The following DNAH1 variants were observed in gnomAD, a reference collection of about 807,000 sequenced individuals.
DNAH1 encodes the protein dynein axonemal heavy chain 1.
Under a neutral mutation model 484.3 loss-of-function variants are expected in DNAH1, and 327 were observed. The observed-to-expected ratio is 0.68, with a 90% CI of 0.62 to 0.74. The LOEUF (loss-of-function observed/expected upper bound fraction) is 0.74. Among genes scored for constraint, DNAH1 ranks in the 30% least tolerant of loss-of-function variants. The probability of loss-of-function intolerance (pLI) is 0.00; values close to 1 mark genes in which losing one functional copy is unlikely to be tolerated. For synonymous variants in DNAH1, 2,192 were observed against 2,191.9 expected (o/e 1.00, Z 0.00); for missense variants, 5,052 against 5,546.8 (o/e 0.91, Z 2.83).
chr3:52,356,799 AG>A, intron 22 of DNAH1, 21 bp downstream of exon 22: 1 of 1,579,702 alleles, frequency 6.3e-7, no homozygotes. Flanking sequence ...TGAGGGTGGG[AG>A]GGGCAGCTGG....
At chr3:52,382,189 T>G in intron 49 of DNAH1, 131 bp from the exon 50 acceptor site, 1 of 1,467,576 alleles carries the variant, frequency 6.8e-7, no homozygotes, top group Non-Finnish European at 9.4e-7. Flanking sequence ...GTTCAGGGCC[T>G]GAAGGGTCTG....
chr3:52,350,194 G>T, intron 15 of DNAH1, 86 bp downstream of exon 15: 1 of 1,547,154 alleles, frequency 6.5e-7, no homozygotes, highest in Non-Finnish European at 8.7e-7. Context: ...GGGGCTGGGA[G>T]GTCGGACTCA....
Position 52,398,143 on chromosome 3 carries a change from C to G in DNAH1, c.12070C>G (p.Leu4024Val). ...VLYEESMNTV[L>V]VQEVIRYNRL... Reference sequence around the variant, plus strand: ...GTATGAGGAATCAATGAACACAGTACTAGTACAAGAGGTCATTAGGTAATC... The same window carrying G: ...GTATGAGGAATCAATGAACACAGTAGTAGTACAAGAGGTCATTAGGTAATC... Residue 4024 changes from leucine (L) to valine (V), a missense_variant, in exon 75 of 78, where the codon CTA becomes GTA. By Grantham distance (32) the Leu-to-Val change is conservative (BLOSUM62 1). This residue lies in a region of DNAH1 where 853 missense variants were observed against 899.0 expected (regional missense o/e 0.95). Coordinates refer to ENST00000420323, the MANE Select transcript of DNAH1 (RefSeq NM_015512.5). 3.7e-6 allele frequency: 6 copies of G among 1,611,452 alleles called. No homozygotes were observed. Among genetic ancestry groups the G allele is most frequent in the Non-Finnish European group, 4.2e-6 (5 of 1,178,856 alleles).
Position 52,346,600 on chromosome 3 carries a change from G to C in DNAH1, c.1785G>C (p.Lys595Asn), listed in dbSNP as rs2153223794. 1 of 1,614,058 alleles carries C rather than the reference G, an allele frequency of 6.2e-7. No individual in the cohort carries two copies. The highest frequency in any genetic ancestry group is 2.2e-5 in the East Asian group (1 of 44,892). ...ETNWEVYLMSKLRKLMELVKY... is the reference protein window; with the variant it reads ...ETNWEVYLMSNLRKLMELVKY... ...ACTGGGAGGTGTACCTCATGTCCAA[G>C]CTGCGCAAGCTGATGGAGCTGGTGA... The change falls in exon 11 of 78, where the codon AAG becomes AAC. Residue 595 changes from lysine (K) to asparagine (N), a missense_variant. This residue lies in a region of DNAH1 where 1,263 missense variants were observed against 1,218.8 expected (regional missense o/e 1.04). Transcript: ENST00000420323.
chr3:52,378,753 G>A lies in DNAH1; in HGVS notation c.7350G>A (p.Met2450Ile). The A allele has an allele frequency of 6.2e-7, 1 of 1,613,746 alleles. No homozygotes were observed. The highest frequency in any genetic ancestry group is 8.5e-7 in the Non-Finnish European group (1 of 1,179,886). ...LRDLSKVFQG[M>I]LMADPAKVED... is the part of the protein sequence containing the mutation. ...ACCTCTCCAAGGTCTTCCAAGGCAT[G>A]CTCATGGCTGACCCGGCCAAGGTCG... is the stretch of plus-strand genomic sequence containing the variant. The change falls in exon 47 of 78, where the codon ATG becomes ATA. Residue 2450 changes from methionine (M) to isoleucine (I), a missense_variant. By Grantham distance (10) the Met-to-Ile change is conservative. Around this residue, in one of 4 missense-constraint regions of DNAH1, gnomAD observed 2,929 missense variants for 3,409.4 expected, o/e 0.86. Coordinates refer to ENST00000420323, the MANE Select transcript of DNAH1 (RefSeq NM_015512.5).
intron 20 of DNAH1, 93 bp from the exon 21 acceptor site, chr3:52,354,750 A>G: frequency 7.8e-7 from 1 of 1,278,230 alleles, no homozygotes; most frequent in Non-Finnish European, 1.1e-6. Context: ...GGTCATGGCC[A>G]GGTACTGTCT....
intron 77 of DNAH1, 87 bp from the exon 78 acceptor site, chr3:52,400,238 T>C: frequency 6.4e-7 from 1 of 1,562,486 alleles, no homozygotes; most frequent in Non-Finnish European, 8.7e-7. Flanking sequence ...GTCCTCAGCT[T>C]AGTCTGCCCA....
At chr3:52,388,973 G>T in intron 59 of DNAH1, 36 bp downstream of exon 59, 1 of 1,549,420 alleles carries the variant, frequency 6.5e-7, no homozygotes. Flanking sequence ...GACCAGCCTC[G>T]CCTTCCCAAA....
In DNAH1 at chr3:52,395,630, C is replaced by CTGGA. The variant is rs1704588385; in HGVS notation, c.11214_11217dup (p.Pro3740AspfsTer46). On this transcript the variant is annotated frameshift_variant, in exon 70 of 78. Coordinates refer to ENST00000420323, the MANE Select transcript of DNAH1 (RefSeq NM_015512.5). LOFTEE classifies it high-confidence loss of function. The surrounding 1 kb of genome is among the most constrained non-coding windows in gnomAD (Gnocchi z 4.4). Reference sequence around the variant, plus strand: ...TCCAGAACTGCCACCTGGCACCAAGCTGGATGCCAGCCCTAGAACGCCTCA... The same window carrying CTGGA: ...TCCAGAACTGCCACCTGGCACCAAGCTGGATGGATGCCAGCCCTAGAACGCCTCA... 6.2e-7 allele frequency: 1 copy of CTGGA among 1,613,916 alleles called. No individual in the cohort carries two copies. Among genetic ancestry groups the CTGGA allele is most frequent in the Non-Finnish European group, 8.5e-7 (1 of 1,179,904 alleles).
At position 52,400,349 on chromosome 3, in the gene DNAH1, C is replaced by G; in HGVS notation, c.12701C>G (p.Ser4234Cys). 6.2e-7 allele frequency: 1 copy of G among 1,614,032 alleles called. No individual in the cohort carries two copies. The highest frequency in any genetic ancestry group is 8.5e-7 in the Non-Finnish European group (1 of 1,179,898). Residue 4234 changes from serine to cysteine, a missense_variant, in exon 78 of 78, where the codon TCT (serine) becomes TGT (cysteine). By Grantham distance (112) the Ser-to-Cys change is moderately radical. Around this residue, in one of 4 missense-constraint regions of DNAH1, gnomAD observed 853 missense variants for 899.0 expected, o/e 0.95. Coordinates refer to ENST00000420323, the MANE Select transcript of DNAH1 (RefSeq NM_015512.5). ...RAGTLSTTGHSTNYVIAVEIP... is the reference protein window; with the variant it reads ...RAGTLSTTGHCTNYVIAVEIP... ...GGAACACTATCAACCACAGGACACT[C>G]TACCAACTATGTCATTGCTGTGGAG... is the stretch of plus-strand genomic sequence containing the variant.
Position 52,378,592 on chromosome 3 carries a change from ATT to A in DNAH1, c.7199-9_7199-8del. ...GGCATGTGACCCAGGCCATTCTCCT[ATT>A]CCCCCAGCTGGGGCCCCCCACATTG... is the stretch of plus-strand genomic sequence containing the variant. On this transcript the variant is annotated splice_polypyrimidine_tract_variant and splice_region_variant and intron_variant, in intron 46 of 77. Transcript: ENST00000420323. 1 of 1,612,934 alleles carries A rather than the reference ATT, an allele frequency of 6.2e-7. No homozygotes were observed. Among genetic ancestry groups the A allele is most frequent in the Non-Finnish European group, 8.5e-7 (1 of 1,179,662 alleles).
rs776800142 is a variant in DNAH1 at position 52,399,157 on chromosome 3, C to T, written c.12397C>T (p.Arg4133Cys). The T allele has an allele frequency of 9.3e-6, 15 of 1,613,348 alleles. No homozygotes were observed. The highest frequency in any genetic ancestry group is 2.2e-5 in the East Asian group (1 of 44,896). The part of the protein sequence containing the change: ...FLTGTLQNFA[R>C]KFVISIDTIS... ...AACAGGCACTCTGCAGAATTTTGCC[C>T]GCAAATTTGTCATCTCCATTGACAC... is the stretch of plus-strand genomic sequence containing the variant. The change falls in exon 76 of 78, where the codon CGC becomes TGC. Residue 4133 changes from arginine (R) to cysteine (C), a missense_variant. Transcript: ENST00000420323.
intron 60 of DNAH1, 90 bp downstream of exon 60, chr3:52,389,676 T>C: frequency 1.6e-6 from 2 of 1,250,278 alleles, no homozygotes; most frequent in Non-Finnish European, 2.0e-6. Context: ...CCTACCCTGC[T>C]TTCCAGGGCC....
intron 8 of DNAH1, among the ~76,000 whole-genome samples, chr3:52,333,019 C>T (rs1366645208): frequency 1.3e-5 from 2 of 152,178 alleles, no homozygotes; most frequent in African/African-American, 4.8e-5. Flanking sequence ...TCCTGAGTAG[C>T]TGGGACTTAG....
chr3:52,384,084 C>T, intron 52 of DNAH1, 53 bp downstream of exon 52: 1 of 1,491,174 alleles, frequency 6.7e-7, no homozygotes, highest in Non-Finnish European at 9.0e-7. Context: ...TAGCTTGGGG[C>T]ATGGGCTCAG....
chr3:52,352,554 G>T lies in DNAH1; in HGVS notation c.2874G>T (p.Leu958=), dbSNP rs781441535. The T allele has an allele frequency of 7.5e-6, 12 of 1,607,980 alleles. No individual in the cohort carries two copies. In the Admixed American group the frequency reaches 1.3e-4, roughly 18 times the overall value. The change falls in exon 18 of 78, where the codon CTG becomes CTT. Residue 958 remains leucine, a splice_region_variant and synonymous_variant. Transcript: ENST00000420323. ...NFQEKLEGLQ[L]VVAGFSIHVE... The stretch of plus-strand genomic sequence containing the variant: ...ACCCATTGCTCCTTGGCCTGCAGCT[G>T]GTAGTAGCTGGCTTCTCCATCCATG...
Position 52,363,130 on chromosome 3 carries a change from C to G in DNAH1, c.5230C>G (p.Gln1744Glu). The G allele has an allele frequency of 3.1e-6, 5 of 1,613,944 alleles. No individual in the cohort carries two copies. Among genetic ancestry groups the G allele is most frequent in the Non-Finnish European group, 4.2e-6 (5 of 1,179,840 alleles). The change falls in exon 32 of 78, where the codon CAG becomes GAG. Residue 1744 changes from glutamine (Q) to glutamate (E), a missense_variant. By Grantham distance (29) the Gln-to-Glu change is conservative. Transcript: ENST00000420323. ...AACCACCTTCAAGCTGTCTTCTGAG[C>G]AGCTCAGCTCCCAGGTGTGGTCCTG... is the stretch of plus-strand genomic sequence containing the variant. Reference protein sequence around the residue: ...ITTTFKLSSEQLSSQDHYDFG... With the variant: ...ITTTFKLSSEELSSQDHYDFG...
Position 52,395,108 on chromosome 3 carries a change from C to T in DNAH1, c.10968+49C>T. The T allele has an allele frequency of 6.4e-7, 1 of 1,574,674 alleles. No homozygotes were observed. The highest frequency in any genetic ancestry group is 2.3e-5 in the East Asian group (1 of 43,024). ...ACTGGCACCTTGAGCTTGTCCCCAC[C>T]CTGGGTCCCAGGGCCCTGGCTGCAT... On this transcript the variant is annotated intron_variant, in intron 68 of 77. Coordinates refer to ENST00000420323, the MANE Select transcript of DNAH1 (RefSeq NM_015512.5). This position sits in a 1 kb window ranked among gnomAD's most constrained non-coding sequence, Gnocchi z 4.4.
upstream of DNAH1, among the ~76,000 whole-genome samples, chr3:52,313,609 C>T (rs974756975): frequency 6.6e-6 from 1 of 152,082 alleles, no homozygotes; most frequent in African/African-American, 2.4e-5. Context: ...GTTTGAATGT[C>T]CCTAGGCCAA....
Sources: allele counts gnomAD v4.1 joint callset (sites outside exome capture counted in the v4.1 genomes callset), GRCh38; gene constraint gnomAD v4.1.1; regional missense constraint gnomAD v4.1.1; non-coding constraint Gnocchi (gnomAD v3.1); transcripts MANE v1.5; gene names NCBI Gene and HGNC (gene_info 2026-07-23, HGNC 2026-07-21).